The following SUGP1 variants were observed in gnomAD, a reference collection of about 807,000 sequenced individuals.
SUGP1 encodes the protein SURP and G-patch domain containing 1, also known as SURP and G-patch domain-containing protein 1.
A neutral mutation model predicts 76.5 loss-of-function variants in SUGP1; 34 were observed. That is an observed-to-expected ratio of 0.44 (90% CI 0.34 to 0.59). The LOEUF (loss-of-function observed/expected upper bound fraction) is 0.59. Ranked by LOEUF, SUGP1 falls within the 20% of genes least tolerant of loss-of-function variation. The pLI, the probability that SUGP1 is intolerant of heterozygous loss-of-function variation, is 0.01. For synonymous variants in SUGP1, 326 were observed against 326.2 expected, an observed-to-expected ratio of 1.00 and a Z score of 0.01; for missense variants, 752 against 851.7, an observed-to-expected ratio of 0.88 and a Z score of 1.46.
At chr19:19,299,539 A>ATTT (rs36109106) in intron 7 of SUGP1, among the ~76,000 whole-genome samples, 28 of 141,802 alleles carry the variant, frequency 2.0e-4, no homozygotes, top group African/African-American at 6.8e-4. Context: ...CACCCGGCTA[A>ATTT]TTTTTTTTTT....
chr19:19,282,926 A>C lies in SUGP1; in HGVS notation c.1244-2635T>G, dbSNP rs375787199. On this transcript the variant is annotated intron_variant, in intron 8 of 13. Transcript: ENST00000247001. ...CCCCGTCTCTACTAAAAATACAAAA[A>C]ATTAGCCAGGCGTGGTGGCAGGCGC... Among the ~76,000 whole-genome samples, 35 of 152,114 alleles carry C rather than the reference A, an allele frequency of 2.3e-4. No homozygotes were observed. The East Asian group carries it at 6.8e-3, about 30-fold the overall frequency.
chr19:19,318,420 GTTTT>G (rs973581861), intron 1 of SUGP1, among the ~76,000 whole-genome samples: 1 of 151,012 alleles, frequency 6.6e-6, no homozygotes, highest in African/African-American at 2.4e-5. Context: ...ACACCCAGCC[GTTTT>G]TTTTGTTTTG....
intron 2 of SUGP1, among the ~76,000 whole-genome samples, chr19:19,310,593 T>TA (rs2061346354): frequency 1.3e-5 from 2 of 152,152 alleles, no homozygotes; most frequent in Admixed American, 6.6e-5. Flanking sequence ...TGCTAGACCT[T>TA]AGAGTTTTCC....
At chr19:19,278,900 GC>G in intron 10 of SUGP1, 104 bp from the exon 11 acceptor site, 4 of 1,264,314 alleles carry the variant, frequency 3.2e-6, no homozygotes, top group East Asian at 2.5e-5. Flanking sequence ...GGAGCCTGGG[GC>G]CCCCAGGGAA....
intron 7 of SUGP1, chr19:19,301,674 G>GCCAA (rs2061272613): frequency 6.5e-6 from 1 of 152,968 alleles, no homozygotes; most frequent in African/African-American, 2.4e-5. Flanking sequence ...CAGAGCAAGT[G>GCCAA]CCAAACCCAC....
rs2146631526 is a variant in SUGP1 at position 19,316,313 on chromosome 19, C to T, written c.206+109G>A. On this transcript the variant is annotated intron_variant, in intron 2 of 13. Coordinates refer to ENST00000247001, the MANE Select transcript of SUGP1 (RefSeq NM_172231.4). ...CTGGGTCATTCCTTGGATCATCAGG[C>T]TATGGCTGGGTGCAAGCACATGCTG... 31 of 1,370,296 alleles carry T rather than the reference C, an allele frequency of 2.3e-5. 3 individuals are homozygous for T. In the South Asian group the frequency reaches 4.3e-4, roughly 19 times the overall value. 84.9% of individuals were successfully genotyped at this position (1,370,296 alleles called of 1,614,324 possible). A position where few individuals can be genotyped will look rare whatever the true frequency, so the allele number is the denominator to read the frequency against.
chr19:19,282,066 G>A (rs1193166953), intron 8 of SUGP1, among the ~76,000 whole-genome samples: 1 of 152,074 alleles, frequency 6.6e-6, no homozygotes, highest in East Asian at 1.9e-4. Context: ...TGCAACCTCC[G>A]CCTCCCAGGA....
chr19:19,287,336 G>C (rs1464814622), intron 8 of SUGP1, among the ~76,000 whole-genome samples: 1 of 152,192 alleles, frequency 6.6e-6, no homozygotes, highest in Middle Eastern at 3.4e-3. Flanking sequence ...TGAGGTGGGC[G>C]GATCACTTGA....
At chr19:19,287,932 G>T (rs184995252) in intron 8 of SUGP1, among the ~76,000 whole-genome samples, 37 of 152,278 alleles carry the variant, frequency 2.4e-4, no homozygotes, top group African/African-American at 8.4e-4. Context: ...CACCTCTTCG[G>T]CAGCAAGACC....
Position 19,276,547 on chromosome 19 carries a change from C to G in SUGP1, c.*101G>C. 1 of 1,443,300 alleles carries G rather than the reference C, an allele frequency of 6.9e-7. No individual in the cohort carries two copies. The highest frequency in any genetic ancestry group is 9.7e-7 in the Non-Finnish European group (1 of 1,033,486). 89.4% of individuals were successfully genotyped at this position (1,443,300 alleles called of 1,614,324 possible). The stretch of plus-strand genomic sequence containing the variant: ...AGCACTGGGACTTTATTACACGGCA[C>G]GGCACTCGTGACAACGGAAGGGGTG... On this transcript the variant is annotated 3_prime_UTR_variant, in exon 14 of 14. Coordinates refer to ENST00000247001, the MANE Select transcript of SUGP1 (RefSeq NM_172231.4).
intron 1 of SUGP1, among the ~76,000 whole-genome samples, chr19:19,319,706 CAAAAAAAA>C (rs570232030): frequency 1.4e-5 from 1 of 69,310 alleles, no homozygotes; most frequent in Non-Finnish European, 3.0e-5. Flanking sequence ...GACCCTGTCT[CAAAAAAAA>C]AAAAAAAAAA....
chr19:19,277,256 G>GGT (rs1555787455), intron 12 of SUGP1, among the ~76,000 whole-genome samples, 180 bp from the exon 13 acceptor site: 3 of 150,600 alleles, frequency 2.0e-5, no homozygotes, highest in Non-Finnish European at 4.4e-5. Flanking sequence ...GCGGGCGGGG[G>GGT]GGGGGGGCCT....
intron 8 of SUGP1, 129 bp from the exon 9 acceptor site, chr19:19,280,420 T>C: frequency 1.2e-6 from 1 of 807,018 alleles, no homozygotes; most frequent in Non-Finnish European, 2.0e-6. Flanking sequence ...ATATCATTAC[T>C]GTCAGTGCCA....
chr19:19,304,718 G>A (rs904720625), intron 4 of SUGP1, among the ~76,000 whole-genome samples: 2 of 152,172 alleles, frequency 1.3e-5, no homozygotes, highest in African/African-American at 4.8e-5. Context: ...GAAATTTCTC[G>A]CTGCCAGCAA....
rs189607176 is a variant in SUGP1 at position 19,312,614 on chromosome 19, T to C, written c.207-2414A>G. Among the ~76,000 whole-genome samples the C allele has an allele frequency of 1.2e-4, 18 of 152,262 alleles. No individual in the cohort carries two copies. In the East Asian group the frequency reaches 3.3e-3, roughly 28 times the overall value. On this transcript the variant is annotated intron_variant, in intron 2 of 13. Transcript: ENST00000247001. ...ACATCAACAAGGGGCACTGGTTAAATAAATTACGGGCCATCCACAGGGAAG... is the reference window on the plus strand; with the variant it reads ...ACATCAACAAGGGGCACTGGTTAAACAAATTACGGGCCATCCACAGGGAAG...
intron 7 of SUGP1, among the ~76,000 whole-genome samples, chr19:19,298,786 G>C (rs2061248740): frequency 6.6e-6 from 1 of 152,206 alleles, no homozygotes; most frequent in Non-Finnish European, 1.5e-5. Context: ...ACATGGATTT[G>C]AGAGGCCAAG....
At chr19:19,290,851 G>A (rs2061176628) in intron 8 of SUGP1, among the ~76,000 whole-genome samples, 1 of 152,060 alleles carries the variant, frequency 6.6e-6, no homozygotes, top group Non-Finnish European at 1.5e-5. Context: ...GGGTGTGGTG[G>A]CTCACGCCAG....
At chr19:19,298,938 G>A (rs1008669291) in intron 7 of SUGP1, among the ~76,000 whole-genome samples, 2 of 152,090 alleles carry the variant, frequency 1.3e-5, no homozygotes, top group Admixed American at 6.6e-5. Flanking sequence ...CCCATCTCGG[G>A]GAGGGGGTTA....
At chr19:19,289,898 C>T (rs2061168825) in intron 8 of SUGP1, among the ~76,000 whole-genome samples, 2 of 152,136 alleles carry the variant, frequency 1.3e-5, no homozygotes, top group Admixed American at 6.6e-5. Flanking sequence ...ATACGTCGCC[C>T]TATGTGACTC....
Sources: allele counts gnomAD v4.1 joint callset (sites outside exome capture counted in the v4.1 genomes callset), GRCh38; gene constraint gnomAD v4.1.1; transcripts MANE v1.5; gene names NCBI Gene and HGNC (gene_info 2026-07-23, HGNC 2026-07-21).